The following NEK4 variants were observed in gnomAD, a reference collection of about 807,000 sequenced individuals.
The protein encoded by NEK4 is NIMA related kinase 4.
In NEK4, 86 loss-of-function variants were observed where a neutral mutation model predicts 98.4. The observed-to-expected ratio is 0.87, with a 90% confidence interval of 0.73 to 1.05. NEK4 has a LOEUF of 1.05. Among genes scored for constraint, NEK4 ranks in the 50% least tolerant of loss-of-function variants. The probability of loss-of-function intolerance (pLI) is 0.00; values close to 1 mark genes in which losing one functional copy is unlikely to be tolerated. For missense variants in NEK4, 898 were observed against 950.3 expected, an observed-to-expected ratio of 0.94 and a Z score of 0.72; for synonymous variants, 328 against 342.2, an observed-to-expected ratio of 0.96 and a Z score of 0.46.
intron 7 of NEK4, among the ~76,000 whole-genome samples, chr3:52,751,413 G>A (rs1035606568): frequency 3.6e-4 from 54 of 148,906 alleles, no homozygotes; most frequent in African/African-American, 1.2e-3. Context: ...CCGAGATCAC[G>A]CCACTGCACT....
chr3:52,749,673 G>GA lies in NEK4; in HGVS notation c.1506+18dup. ...ACATGGTAAAACCCCATCTCTGCTA[G>GA]AAAAACTGCAAAAATTACCTGGGCG... On this transcript the variant is annotated intron_variant, in intron 8 of 15. Transcript: ENST00000233027. 4.0e-6 allele frequency: 1 copy of GA among 251,610 alleles called. No individual in the cohort carries two copies. The allele number at this position is 251,610 out of a possible 1,614,324, so 15.6% of individuals were successfully genotyped here.
intron 6 of NEK4, chr3:52,753,597 A>G: frequency 3.5e-6 from 2 of 569,358 alleles, no homozygotes; most frequent in Middle Eastern, 5.9e-4. Context: ...TTGGCAGGGG[A>G]TGCAAAAACC....
At position 52,770,697 on chromosome 3, in the gene NEK4, T is replaced by C; in HGVS notation, c.50A>G (p.Tyr17Cys). Residue 17 changes from tyrosine (Y) to cysteine (C), a missense_variant, in exon 1 of 16, where the codon TAT (tyrosine) becomes TGT (cysteine). Tyr to Cys is a radical substitution (Grantham distance 194). Transcript: ENST00000233027. ...GTGCTTCACAAGCGTCACCTCTCCA[T>C]AGCTCCCCTTGCCCACGACCCGCAG... ...CYLRVVGKGS[Y>C]GEVTLVKHRR... is the part of the protein sequence containing the mutation. The C allele has an allele frequency of 6.4e-7, 1 of 1,570,258 alleles. No individual in the cohort carries two copies. Among genetic ancestry groups the C allele is most frequent in the African/African-American group, 1.4e-5 (1 of 73,622 alleles).
In NEK4 at chr3:52,751,981, G is replaced by A. The variant is rs1320049350; in HGVS notation, c.1319C>T (p.Pro440Leu). ...SDIVTGEKNE[P>L]VKPLQPLIKE... is the part of the protein sequence containing the mutation. ...GATTAGGGGCTGCAGAGGCTTCACT[G>A]GTTCATTCTTTTCCCCAGTGACAAT... is the stretch of plus-strand genomic sequence containing the variant. Residue 440 changes from proline (P) to leucine (L), a missense_variant, in exon 7 of 16, where the codon CCA (proline) becomes CTA (leucine). Pro to Leu is a moderately conservative substitution (Grantham distance 98, BLOSUM62 -3). Coordinates refer to ENST00000233027, the MANE Select transcript of NEK4 (RefSeq NM_003157.6). The A allele has an allele frequency of 3.1e-6, 5 of 1,614,084 alleles. No homozygotes were observed. Among genetic ancestry groups the A allele is most frequent in the Admixed American group, 1.7e-5 (1 of 60,028 alleles).
Position 52,710,098 on chromosome 3 carries a change from C to T in NEK4, c.*1679G>A, listed in dbSNP as rs1255712577. Reference sequence around the variant, plus strand: ...GTTAAGTGTGCCGGGCGCGGTGGCTCACGCCTGTAATCCCAGCACTTTGGG... The same window carrying T: ...GTTAAGTGTGCCGGGCGCGGTGGCTTACGCCTGTAATCCCAGCACTTTGGG... On this transcript the variant is annotated 3_prime_UTR_variant, in exon 16 of 16. Transcript: ENST00000233027. The T allele has an allele frequency of 6.6e-6, 1 of 152,282 alleles. No homozygotes were observed. Among genetic ancestry groups the T allele is most frequent in the East Asian group, 1.9e-4 (1 of 5,204 alleles). 9.4% of individuals were successfully genotyped at this position (152,282 alleles called of 1,614,324 possible).
At chr3:52,726,256 C>T (rs2097364443) in intron 15 of NEK4, among the ~76,000 whole-genome samples, 1 of 152,028 alleles carries the variant, frequency 6.6e-6, no homozygotes, top group Non-Finnish European at 1.5e-5. Flanking sequence ...CTTCAATACC[C>T]CACTCTCAAT....
chr3:52,709,863 C>T lies in NEK4; in HGVS notation c.*1914G>A, dbSNP rs2097348661. 6.6e-6 allele frequency: 1 copy of T among 151,928 alleles called. No homozygotes were observed. Among genetic ancestry groups the T allele is most frequent in the Non-Finnish European group, 1.5e-5 (1 of 68,012 alleles). The allele number at this position is 151,928 out of a possible 1,614,324, so 9.4% of individuals were successfully genotyped here. Reference sequence around the variant, plus strand: ...GGAAAGGTGAATAGCTCAAGGATACCAAGTTTGCCAAAGATTTGTTCCCAA... The same window carrying T: ...GGAAAGGTGAATAGCTCAAGGATACTAAGTTTGCCAAAGATTTGTTCCCAA... On this transcript the variant is annotated 3_prime_UTR_variant, in exon 16 of 16. Transcript: ENST00000233027.
At chr3:52,715,490 G>A (rs1361896756) in intron 15 of NEK4, among the ~76,000 whole-genome samples, 1 of 152,212 alleles carries the variant, frequency 6.6e-6, no homozygotes, top group Non-Finnish European at 1.5e-5. Context: ...GGGTTCAAGC[G>A]ATTCTCTTGC....
intron 13 of NEK4, 94 bp downstream of exon 13, chr3:52,741,317 A>T: frequency 4.3e-6 from 3 of 704,672 alleles, no homozygotes; most frequent in Non-Finnish European, 7.5e-6. Context: ...TATCAGTGGG[A>T]ATACTAGAGA....
In NEK4 at chr3:52,726,968, C is replaced by CTT. The variant is rs35173917; in HGVS notation, c.2433+10616_2433+10617dup. 2.7e-3 allele frequency among the ~76,000 whole-genome samples: 339 copies of CTT among 124,366 alleles called. 1 individual carries two copies. Among genetic ancestry groups the CTT allele is most frequent in the Non-Finnish European group, 3.6e-3 (220 of 61,078 alleles). The allele number at this position is 124,366 out of a possible 152,430, so 81.6% of individuals were successfully genotyped here. ...AACTAGATCTAACAGGCATCTAAAA[C>CTT]TTTTTTTTTTTTTTTTTTTTCCTGA... On this transcript the variant is annotated intron_variant, in intron 15 of 15. Coordinates refer to ENST00000233027, the MANE Select transcript of NEK4 (RefSeq NM_003157.6).
At chr3:52,770,625 G>T (rs1020670163) in intron 1 of NEK4, 29 bp downstream of exon 1, 7 of 805,594 alleles carry the variant, frequency 8.7e-6, no homozygotes, top group Non-Finnish European at 9.3e-6. Flanking sequence ...GCCCGCCCCC[G>T]CCCCTTGCCG....
intron 15 of NEK4, among the ~76,000 whole-genome samples, chr3:52,729,036 G>C (rs1412528987): frequency 2.0e-5 from 3 of 152,138 alleles, no homozygotes; most frequent in African/African-American, 7.2e-5. Flanking sequence ...GCTGAACATA[G>C]ACCCTTATCA....
intron 8 of NEK4, among the ~76,000 whole-genome samples, chr3:52,749,185 T>G (rs2097401031): frequency 6.6e-6 from 1 of 151,920 alleles, no homozygotes; most frequent in South Asian, 2.1e-4. Flanking sequence ...CAGGCTGGAG[T>G]GCACTGGGTC....
At chr3:52,751,485 G>A (rs1174841224) in intron 7 of NEK4, among the ~76,000 whole-genome samples, 1 of 151,010 alleles carries the variant, frequency 6.6e-6, no homozygotes, top group African/African-American at 2.4e-5. Context: ...GCTGGGCGTG[G>A]TGGCGCATGC....
intron 15 of NEK4, among the ~76,000 whole-genome samples, chr3:52,723,104 C>T (rs2097361536): frequency 6.6e-6 from 1 of 151,974 alleles, no homozygotes; most frequent in South Asian, 2.1e-4. Flanking sequence ...ACTTGAGAAG[C>T]TAAGGCGGGA....
At chr3:52,750,799 G>T (rs2097403666) in intron 7 of NEK4, among the ~76,000 whole-genome samples, 3 of 151,754 alleles carry the variant, frequency 2.0e-5, no homozygotes, top group Admixed American at 1.3e-4. Context: ...AAATTAGCAG[G>T]GCATGTCTGT....
At chr3:52,730,713 T>C (rs1039161113) in intron 15 of NEK4, among the ~76,000 whole-genome samples, 1 of 152,190 alleles carries the variant, frequency 6.6e-6, no homozygotes, top group Non-Finnish European at 1.5e-5. Flanking sequence ...GCAGGATTGG[T>C]GTTCTTTCTT....
chr3:52,713,355 T>A (rs1362352241), intron 15 of NEK4, among the ~76,000 whole-genome samples: 1 of 152,192 alleles, frequency 6.6e-6, no homozygotes, highest in East Asian at 1.9e-4. Context: ...GGCTGTCTCA[T>A]CCTTATGAGC....
At chr3:52,764,228 G>A (rs912183425) in intron 4 of NEK4, among the ~76,000 whole-genome samples, 7 of 151,334 alleles carry the variant, frequency 4.6e-5, no homozygotes, top group African/African-American at 7.3e-5. Flanking sequence ...TGGAGGTTGC[G>A]GTGAGCCGAG....
Sources: gnomAD v4.1 joint callset for allele counts (sites outside exome capture counted in the v4.1 genomes callset) on GRCh38, gnomAD v4.1.1 for gene constraint, MANE v1.5 for transcripts, NCBI Gene and HGNC (gene_info 2026-07-23, HGNC 2026-07-21) for gene names.